The following SLC38A11 variants were observed in gnomAD, a reference collection of about 807,000 sequenced individuals.
SLC38A11 encodes the protein putative sodium-coupled neutral amino acid transporter 11.
A neutral mutation model predicts 49.4 loss-of-function variants in SLC38A11; 51 were observed. That is an observed-to-expected ratio of 1.03 (90% confidence interval 0.83 to 1.30). The LOEUF is 1.30. Among genes scored for constraint, SLC38A11 ranks in the 50% most tolerant of loss-of-function variants. The pLI is 0.00. For missense variants in SLC38A11, 574 were observed against 556.2 expected (o/e 1.03, Z -0.32); for synonymous variants, 203 against 192.9 (o/e 1.05, Z -0.43).
At chr2:164,940,226 TTTTA>T (rs1222979617) in intron 5 of SLC38A11, among the ~76,000 whole-genome samples, 4 of 36,392 alleles carry the variant, frequency 1.1e-4, no homozygotes, top group Admixed American at 5.3e-4. Flanking sequence ...AAATAGAAAA[TTTTA>T]TATATATATA....
intron 7 of SLC38A11, among the ~76,000 whole-genome samples, chr2:164,935,057 C>T (rs373005190): frequency 1.3e-5 from 2 of 152,124 alleles, no homozygotes; most frequent in African/African-American, 4.8e-5. Context: ...TTTTCTTCCT[C>T]CAGGAAACCT....
rs1025129003 is a variant in SLC38A11, at chr2:164,895,853, A to T, written c.*2584T>A. The T allele has an allele frequency of 1.3e-5, 2 of 152,202 alleles. No individual in the cohort carries two copies. Among genetic ancestry groups the T allele is most frequent in the African/African-American group, 4.8e-5 (2 of 41,444 alleles). 9.4% of individuals were successfully genotyped at this position (152,202 alleles called of 1,614,324 possible). A position where few individuals can be genotyped will look rare whatever the true frequency, so the allele number is the denominator to read the frequency against. Reference sequence around the variant, plus strand: ...AAGATTCTATAATAAGTGAACAATGACTCAATTTCTAAATTACACAGATGC... The same window carrying T: ...AAGATTCTATAATAAGTGAACAATGTCTCAATTTCTAAATTACACAGATGC... On this transcript the variant is annotated 3_prime_UTR_variant, in exon 12 of 12. Transcript: ENST00000685975.
chr2:164,940,280 G>A (rs1687676382), intron 5 of SLC38A11, among the ~76,000 whole-genome samples: 1 of 148,330 alleles, frequency 6.7e-6, no homozygotes, highest in South Asian at 2.1e-4. Context: ...TATATGTGTT[G>A]TGTGTATAAT....
intron 7 of SLC38A11, among the ~76,000 whole-genome samples, chr2:164,931,239 C>A (rs1686977829): frequency 1.2e-5 from 1 of 81,660 alleles, no homozygotes. Flanking sequence ...ACTGATCCCC[C>A]ACAAAAAAAA....
chr2:164,947,086 T>G (rs1688162070), intron 3 of SLC38A11, among the ~76,000 whole-genome samples: 1 of 149,232 alleles, frequency 6.7e-6, no homozygotes, highest in African/African-American at 2.5e-5. Context: ...TTTACTCTGC[T>G]CAAGTCCTGG....
At chr2:164,900,936 G>T (rs1684611429) in intron 11 of SLC38A11, among the ~76,000 whole-genome samples, 1 of 151,992 alleles carries the variant, frequency 6.6e-6, no homozygotes, top group Non-Finnish European at 1.5e-5. Context: ...ACAGTTTTGG[G>T]CCTTACATTT....
intron 4 of SLC38A11, 132 bp downstream of exon 4, chr2:164,945,461 G>A (rs1688040503): frequency 1.2e-6 from 1 of 805,886 alleles, no homozygotes; most frequent in South Asian, 3.6e-5. Flanking sequence ...GGTTAAAGAA[G>A]TAAACATTTC....
intron 7 of SLC38A11, among the ~76,000 whole-genome samples, chr2:164,926,643 GA>G (rs1402279926): frequency 3.3e-5 from 5 of 152,080 alleles, no homozygotes; most frequent in Non-Finnish European, 5.9e-5. Context: ...ACTGGATTAA[GA>G]AAATGAGGCA....
intron 9 of SLC38A11, among the ~76,000 whole-genome samples, chr2:164,914,723 AG>A: frequency 6.6e-6 from 1 of 152,124 alleles, no homozygotes; most frequent in South Asian, 2.1e-4. Context: ...CCTCTAAGGG[AG>A]GAAAATTTGA....
intron 7 of SLC38A11, among the ~76,000 whole-genome samples, chr2:164,923,573 A>G (rs1686357632): frequency 6.6e-6 from 1 of 152,028 alleles, no homozygotes; most frequent in Admixed American, 6.6e-5. Flanking sequence ...GTAAAAACAA[A>G]CAACAAACAA....
intron 7 of SLC38A11, among the ~76,000 whole-genome samples, chr2:164,923,415 T>C (rs1230089100): frequency 1.3e-5 from 2 of 152,074 alleles, no homozygotes; most frequent in Non-Finnish European, 2.9e-5. Flanking sequence ...GCAAAGGATA[T>C]GAACAGACAT....
At chr2:164,929,152 A>G (rs796624433) in intron 7 of SLC38A11, among the ~76,000 whole-genome samples, 53 of 152,264 alleles carry the variant, frequency 3.5e-4, no homozygotes, top group African/African-American at 1.2e-3. Flanking sequence ...TCACTTTCCT[A>G]TCACTCACTT....
At chr2:164,953,023 G>A (rs1416344294) in intron 2 of SLC38A11, 3 of 412,576 alleles carry the variant, frequency 7.3e-6, no homozygotes, top group Non-Finnish European at 1.3e-5. Context: ...GACGGAATAA[G>A]AATTAGAAAG....
Position 164,900,086 on chromosome 2 carries a change from C to T in SLC38A11, c.1096-1356G>A, listed in dbSNP as rs146447611. Among the ~76,000 whole-genome samples the T allele has an allele frequency of 1.7e-3, 259 of 152,192 alleles. 3 individuals carry two copies. Among genetic ancestry groups the T allele is most frequent in the African/African-American group, 5.8e-3 (239 of 41,546 alleles). On this transcript the variant is annotated intron_variant, in intron 11 of 11. Transcript: ENST00000685975. ...TATGTGTCTGGCTTATTTCACTTAA[C>T]GTTCTTCAGGTCTATCCATGTTGTG...
At chr2:164,902,642 T>G (rs1382004340) in intron 11 of SLC38A11, among the ~76,000 whole-genome samples, 1 of 152,136 alleles carries the variant, frequency 6.6e-6, no homozygotes, top group African/African-American at 2.4e-5. Context: ...TGATGTAAAA[T>G]TATAAATTGT....
intron 1 of SLC38A11, 126 bp downstream of exon 1, chr2:164,955,083 T>C: frequency 2.3e-6 from 2 of 857,044 alleles, no homozygotes; most frequent in East Asian, 2.7e-5. Context: ...CAAAACTTTT[T>C]GTCCCAGAGA....
chr2:164,930,061 A>G (rs1369422507), intron 7 of SLC38A11, among the ~76,000 whole-genome samples: 2 of 152,088 alleles, frequency 1.3e-5, no homozygotes, highest in African/African-American at 4.8e-5. Flanking sequence ...TAAAAACGAC[A>G]AGGGGAATAT....
At chr2:164,905,346 G>A (rs1045033746) in intron 11 of SLC38A11, among the ~76,000 whole-genome samples, 2 of 152,028 alleles carry the variant, frequency 1.3e-5, no homozygotes, top group African/African-American at 4.8e-5. Context: ...TGGCCAAGCA[G>A]GTCTTGAACT....
chr2:164,925,568 A>T (rs1686514095), intron 7 of SLC38A11, among the ~76,000 whole-genome samples: 1 of 152,142 alleles, frequency 6.6e-6, no homozygotes, highest in South Asian at 2.1e-4. Flanking sequence ...TCCCACAAGG[A>T]TCCCACAAAA....
Sources: gnomAD v4.1 joint callset for allele counts (sites outside exome capture counted in the v4.1 genomes callset) on GRCh38, gnomAD v4.1.1 for gene constraint, MANE v1.5 for transcripts, NCBI Gene and HGNC (gene_info 2026-07-23, HGNC 2026-07-21) for gene names.